HEATR4: variants seen among roughly 807,000 people sequenced by gnomAD.
HEATR4 encodes the protein HEAT repeat containing 4, also known as HEAT repeat-containing protein 4.
HEATR4 carries 95 observed loss-of-function variants against 108.8 expected under a neutral mutation model. The observed-to-expected ratio is 0.87, with a 90% confidence interval of 0.74 to 1.04. The LOEUF is 1.04. HEATR4 is among the 50% of genes least tolerant of loss of function. The pLI, the probability that HEATR4 is intolerant of heterozygous loss-of-function variation, is 0.00. For synonymous variants in HEATR4, 443 were observed against 459.4 expected, an observed-to-expected ratio of 0.96 and a Z score of 0.46; for missense variants, 1,152 against 1,253.8, an observed-to-expected ratio of 0.92 and a Z score of 1.23.
chr14:73,520,826 C>T lies in HEATR4; in HGVS notation c.1069+26G>A, dbSNP rs191447550. 2.1e-5 allele frequency: 33 copies of T among 1,603,210 alleles called. No homozygotes were observed. In the East Asian group the frequency reaches 3.1e-4, roughly 15 times the overall value. On this transcript the variant is annotated intron_variant, in intron 4 of 17. Transcript: ENST00000553558. ...TCCTGGCCCATGTCCCCGTGTGCCCCTACCACAGGGGCCCAGCTCTATTAC... is the reference window on the plus strand; with the variant it reads ...TCCTGGCCCATGTCCCCGTGTGCCCTTACCACAGGGGCCCAGCTCTATTAC...
chr14:73,504,397 C>T (rs1886678580), intron 10 of HEATR4, among the ~76,000 whole-genome samples: 1 of 152,122 alleles, frequency 6.6e-6, no homozygotes, highest in South Asian at 2.1e-4. Flanking sequence ...TGCCTGCCAC[C>T]ACACCCGCCT....
intron 1 of HEATR4, among the ~76,000 whole-genome samples, chr14:73,551,937 G>A (rs1196755578): frequency 8.9e-6 from 1 of 112,380 alleles, no homozygotes; most frequent in African/African-American, 2.9e-5. Flanking sequence ...GCTCACTTCC[G>A]AAAGGTAAAG....
chr14:73,599,763 G>T, the HEATR4 span, among the ~76,000 whole-genome samples: 3 of 152,214 alleles, frequency 2.0e-5, no homozygotes, highest in Non-Finnish European at 4.4e-5. Flanking sequence ...AGCATAGTCT[G>T]CCTCTTGAAA....
the HEATR4 span, among the ~76,000 whole-genome samples, chr14:73,587,910 A>G: frequency 6.6e-6 from 1 of 152,126 alleles, no homozygotes; most frequent in Non-Finnish European, 1.5e-5. Flanking sequence ...TAAATACAAC[A>G]CAGTCTTCTT....
chr14:73,535,469 C>CTTTTT (rs869167008), intron 1 of HEATR4, among the ~76,000 whole-genome samples: 22 of 16,520 alleles, frequency 1.3e-3, no homozygotes, highest in Admixed American at 3.1e-3. Context: ...TTTCTTCTTT[C>CTTTTT]TTTTTTTTTT....
At chr14:73,489,994 TG>T (rs201657785) in intron 17 of HEATR4, among the ~76,000 whole-genome samples, 3,515 of 152,294 alleles carry the variant, frequency 0.023, 123 homozygotes, top group Non-Finnish European at 0.024. Context: ...CACTTTTTGG[TG>T]GGAACCTGCC....
rs1237032587 is a variant in HEATR4, at chr14:73,506,558, G to GT, written c.1894dup (p.Thr632AsnfsTer36). ...GCTGTTCAGCTCCACAGCAAGCATG[G>GT]TGTGTATCAGGGTCTGAGGAAATGG... On this transcript the variant is annotated frameshift_variant, in exon 10 of 18. Coordinates refer to ENST00000553558, the MANE Select transcript of HEATR4 (RefSeq NM_001220484.1). LOFTEE classifies it high-confidence loss of function. 1 of 1,612,588 alleles carries GT rather than the reference G, an allele frequency of 6.2e-7. No individual in the cohort carries two copies. Among genetic ancestry groups the GT allele is most frequent in the Admixed American group, 1.7e-5 (1 of 59,990 alleles).
chr14:73,516,026 T>C (rs1462384263), intron 5 of HEATR4, among the ~76,000 whole-genome samples: 3 of 59,036 alleles, frequency 5.1e-5, no homozygotes, highest in Non-Finnish European at 8.0e-5. Context: ...GTCTTAGATC[T>C]CTGATATTTA....
chr14:73,481,677 T>TA (rs1227181356), intron 17 of HEATR4, among the ~76,000 whole-genome samples: 1 of 150,248 alleles, frequency 6.7e-6, no homozygotes, highest in Non-Finnish European at 1.5e-5. Flanking sequence ...CCGTCTCTAC[T>TA]AAAAATACAA....
the HEATR4 span, among the ~76,000 whole-genome samples, chr14:73,633,212 C>G: frequency 6.6e-6 from 1 of 152,082 alleles, no homozygotes; most frequent in Non-Finnish European, 1.5e-5. Context: ...ACCATTCTGG[C>G]CAGGCTGGTC....
chr14:73,496,130 C>G (rs904151474), intron 15 of HEATR4, among the ~76,000 whole-genome samples: 4 of 151,712 alleles, frequency 2.6e-5, no homozygotes, highest in African/African-American at 9.7e-5. Context: ...ACTGTCCCCC[C>G]CTCAAAAAAA....
At chr14:73,595,069 G>T in the HEATR4 span, 1 of 1,613,840 alleles carries the variant, frequency 6.2e-7, no homozygotes, top group Non-Finnish European at 8.5e-7. Context: ...CAGGCATTGG[G>T]CTTTTGGGCA....
Position 73,549,357 on chromosome 14 carries a change from G to A in HEATR4, c.-152+9394C>T, listed in dbSNP as rs541616502. On this transcript the variant is annotated intron_variant, in intron 1 of 17. Transcript: ENST00000553558. Reference sequence around the variant, plus strand: ...TAACAACAATCCCATCTTGTTGGGAGGAATTAACAATCATGCATCGAGCCC... The same window carrying A: ...TAACAACAATCCCATCTTGTTGGGAAGAATTAACAATCATGCATCGAGCCC... Among the ~76,000 whole-genome samples, 22 of 117,752 alleles carry A rather than the reference G, an allele frequency of 1.9e-4. No individual in the cohort carries two copies. The South Asian group carries it at 5.9e-3, about 32-fold the overall frequency. 77.2% of individuals were successfully genotyped at this position (117,752 alleles called of 152,430 possible). A position where few individuals can be genotyped will look rare whatever the true frequency, so the allele number is the denominator to read the frequency against.
At position 73,522,457 on chromosome 14, in the gene HEATR4, C is replaced by T. The variant is rs768884343; in HGVS notation, c.696G>A (p.Lys232=). 7 of 1,614,130 alleles carry T rather than the reference C, an allele frequency of 4.3e-6. No individual in the cohort carries two copies. In the African/African-American group the frequency reaches 5.3e-5, roughly 12 times the overall value. Residue 232 remains lysine (K), a synonymous_variant, in exon 3 of 18, where the codon AAG becomes AAA. Transcript: ENST00000553558. The part of the protein sequence containing the change: ...RPRRPGASPN[K]WQSFLRQQYD... Reference sequence around the variant, plus strand: ...ACTGCTGGCGCAGGAAGCTCTGCCACTTGTTGGGGGATGCCCCAGGCCTTC... The same window carrying T: ...ACTGCTGGCGCAGGAAGCTCTGCCATTTGTTGGGGGATGCCCCAGGCCTTC...
the HEATR4 span, among the ~76,000 whole-genome samples, chr14:73,592,683 ACT>A: frequency 6.6e-6 from 1 of 151,828 alleles, no homozygotes; most frequent in Non-Finnish European, 1.5e-5. Flanking sequence ...TGAAACGCTG[ACT>A]CTACCGAAAA....
rs1407807170 is a variant in HEATR4 at position 73,536,129 on chromosome 14, G to A, written c.-151-5885C>T. On this transcript the variant is annotated intron_variant, in intron 1 of 17. Transcript: ENST00000553558. ...ATGACATGGGACATGGGACATGAGA[G>A]CATTTGGAAAGAGATAAAAAGGCTT... is the stretch of plus-strand genomic sequence containing the variant. Among the ~76,000 whole-genome samples the A allele has an allele frequency of 4.3e-5, 5 of 115,038 alleles. 2 individuals are homozygous for A. The highest frequency in any genetic ancestry group is 9.5e-5 in the Non-Finnish European group (5 of 52,906). 75.5% of individuals were successfully genotyped at this position (115,038 alleles called of 152,430 possible).
chr14:73,598,916 A>C, the HEATR4 span, among the ~76,000 whole-genome samples: 2 of 152,096 alleles, frequency 1.3e-5, no homozygotes, highest in Non-Finnish European at 2.9e-5. Context: ...AGGCAGGAGA[A>C]TCTCCCAAAC....
Position 73,558,370 on chromosome 14 carries a change from G to GTTT in HEATR4, c.-152+378_-152+380dup, listed in dbSNP as rs67300726. 1.8e-3 allele frequency among the ~76,000 whole-genome samples: 212 copies of GTTT among 120,346 alleles called. 3 individuals are homozygous for GTTT. Among genetic ancestry groups the GTTT allele is most frequent in the African/African-American group, 6.4e-3 (211 of 33,040 alleles). 79.0% of individuals were successfully genotyped at this position (120,346 alleles called of 152,430 possible). The stretch of plus-strand genomic sequence containing the variant: ...ATGACCTGGTCTAATGCCTTGATTT[G>GTTT]TTTTTTTTTTTTTGAGACAGGGTCT... On this transcript the variant is annotated intron_variant, in intron 1 of 17. Coordinates refer to ENST00000553558, the MANE Select transcript of HEATR4 (RefSeq NM_001220484.1).
Position 73,551,765 on chromosome 14 carries a change from C to T in HEATR4, c.-152+6986G>A, listed in dbSNP as rs1456784736. Among the ~76,000 whole-genome samples the T allele has an allele frequency of 1.6e-4, 17 of 106,470 alleles. 1 individual carries two copies. The highest frequency in any genetic ancestry group is 4.6e-4 in the African/African-American group (15 of 32,290). The allele number at this position is 106,470 out of a possible 152,430, so 69.8% of individuals were successfully genotyped here. ...CCGAGGTTGCAGTGAGCTGAGACCA[C>T]GCCATTACACTCCAGCCTGGGCAAC... is the stretch of plus-strand genomic sequence containing the variant. On this transcript the variant is annotated intron_variant, in intron 1 of 17. Transcript: ENST00000553558.
Sources: allele counts gnomAD v4.1 joint callset (sites outside exome capture counted in the v4.1 genomes callset), GRCh38; gene constraint gnomAD v4.1.1; transcripts MANE v1.5; gene names NCBI Gene and HGNC (gene_info 2026-07-23, HGNC 2026-07-21).